RCN3: variants seen among roughly 807,000 people sequenced by gnomAD.
RCN3 encodes reticulocalbin 3.
In RCN3, 41 loss-of-function variants were observed where a neutral mutation model predicts 35.9. The ratio of observed to expected loss-of-function variants is 1.14; its 90% CI spans 0.89 to 1.48. The LOEUF (loss-of-function observed/expected upper bound fraction) is 1.48. Among genes scored for constraint, RCN3 ranks in the 40% most tolerant of loss-of-function variants. The probability of loss-of-function intolerance (pLI) is 0.00; values close to 1 mark genes in which losing one functional copy is unlikely to be tolerated. For synonymous variants in RCN3, 187 were observed against 193.4 expected, an observed-to-expected ratio of 0.97 and a Z score of 0.27; for missense variants, 451 against 471.3, an observed-to-expected ratio of 0.96 and a Z score of 0.40.
chr19:49,539,271 T>G lies in RCN3; in HGVS notation c.679+92T>G. On this transcript the variant is annotated intron_variant, in intron 5 of 6. Transcript: ENST00000270645. Reference sequence around the variant, plus strand: ...GTAGCCGGAGGTACATCACCCATCATCAGAGAACAGTGGCCCTCAGACATG... The same window carrying G: ...GTAGCCGGAGGTACATCACCCATCAGCAGAGAACAGTGGCCCTCAGACATG... 6 of 1,016,376 alleles carry G rather than the reference T, an allele frequency of 5.9e-6. No individual in the cohort carries two copies. The South Asian group carries it at 7.6e-5, about 13-fold the overall frequency. The allele number at this position is 1,016,376 out of a possible 1,614,324, so 63.0% of individuals were successfully genotyped here.
At chr19:49,539,208 TGCC>T in intron 5 of RCN3, 29 bp downstream of exon 5, 2 of 1,583,866 alleles carry the variant, frequency 1.3e-6, no homozygotes, top group Non-Finnish European at 1.7e-6. Context: ...CTTCTTGGGA[TGCC>T]TGTCCTCTCT....
At chr19:49,532,108 T>TC (rs1397011340) in intron 2 of RCN3, among the ~76,000 whole-genome samples, 1 of 134,996 alleles carries the variant, frequency 7.4e-6, no homozygotes, top group Admixed American at 7.3e-5. Flanking sequence ...GCCTTTTTTT[T>TC]TTTTTTTTTT....
chr19:49,536,468 T>C (rs1326479237), intron 3 of RCN3, among the ~76,000 whole-genome samples: 3 of 143,924 alleles, frequency 2.1e-5, no homozygotes. Flanking sequence ...GCCAGGCAAA[T>C]TTTTGTATTT....
Position 49,543,388 on chromosome 19 carries a change from C to T in RCN3, c.*175C>T. 1 of 620,620 alleles carries T rather than the reference C, an allele frequency of 1.6e-6. No homozygotes were observed. The highest frequency in any genetic ancestry group is 2.9e-6 in the Non-Finnish European group (1 of 345,254). 38.4% of individuals were successfully genotyped at this position (620,620 alleles called of 1,614,324 possible). A position where few individuals can be genotyped will look rare whatever the true frequency, so the allele number is the denominator to read the frequency against. ...TCGGCTTCTGTCCCTGTCACACCCC[C>T]AACCCCAGGGAGGGGCTGTCATAGT... On this transcript the variant is annotated 3_prime_UTR_variant, in exon 7 of 7. Coordinates refer to ENST00000270645, the MANE Select transcript of RCN3 (RefSeq NM_020650.3).
chr19:49,543,229 C>T lies in RCN3; in HGVS notation c.*16C>T. ...TGAGCTGTGAGCACCGCGCACCTGC[C>T]ACAGCCTCAGAGGCCCGCACAATGA... is the stretch of plus-strand genomic sequence containing the variant. On this transcript the variant is annotated 3_prime_UTR_variant, in exon 7 of 7. Coordinates refer to ENST00000270645, the MANE Select transcript of RCN3 (RefSeq NM_020650.3). 6.3e-7 allele frequency: 1 copy of T among 1,599,254 alleles called. No homozygotes were observed. Among genetic ancestry groups the T allele is most frequent in the Non-Finnish European group, 8.6e-7 (1 of 1,168,078 alleles).
Position 49,539,244 on chromosome 19 carries a change from GGGTAGCCGGA to G in RCN3, c.679+70_679+79del. 3 of 1,369,832 alleles carry G rather than the reference GGGTAGCCGGA, an allele frequency of 2.2e-6. No individual in the cohort carries two copies. The South Asian group carries it at 3.8e-5, about 17-fold the overall frequency. 84.9% of individuals were successfully genotyped at this position (1,369,832 alleles called of 1,614,324 possible). A position where few individuals can be genotyped will look rare whatever the true frequency, so the allele number is the denominator to read the frequency against. On this transcript the variant is annotated intron_variant, in intron 5 of 6. Transcript: ENST00000270645. ...TCTCAGGCATGGGCAGGGTTGGTGG[GGGTAGCCGGA>G]GGTACATCACCCATCATCAGAGAAC... is the stretch of plus-strand genomic sequence containing the variant.
At chr19:49,533,762 G>T (rs927418716) in intron 2 of RCN3, among the ~76,000 whole-genome samples, 1 of 152,122 alleles carries the variant, frequency 6.6e-6, no homozygotes, top group Non-Finnish European at 1.5e-5. Context: ...GGGTGTGGCC[G>T]TGGCTGTCTG....
chr19:49,541,514 C>G (rs1168205399), intron 5 of RCN3, among the ~76,000 whole-genome samples: 1 of 152,070 alleles, frequency 6.6e-6, no homozygotes, highest in Non-Finnish European at 1.5e-5. Context: ...TTTAGGAGGC[C>G]AAGGTGGGTG....
chr19:49,537,012 C>A (rs751190809), intron 3 of RCN3, 21 bp from the exon 4 acceptor site: 1 of 1,498,472 alleles, frequency 6.7e-7, no homozygotes, highest in Non-Finnish European at 8.9e-7. Flanking sequence ...GCTCATCTCA[C>A]TGAGACCTGT....
intron 3 of RCN3, among the ~76,000 whole-genome samples, chr19:49,535,980 A>G (rs940298266): frequency 1.3e-5 from 2 of 148,214 alleles, no homozygotes; most frequent in Admixed American, 6.8e-5. Context: ...TATATAAAGT[A>G]TCAATATATG....
chr19:49,529,728 G>GT (rs1011437808), intron 2 of RCN3, among the ~76,000 whole-genome samples: 2 of 151,544 alleles, frequency 1.3e-5, no homozygotes, highest in African/African-American at 4.9e-5. Context: ...GTTGGTGGGG[G>GT]GGAGTTGCAA....
chr19:49,539,184 G>A lies in RCN3; in HGVS notation c.679+5G>A. The A allele has an allele frequency of 6.2e-7, 1 of 1,608,922 alleles. No homozygotes were observed. The highest frequency in any genetic ancestry group is 8.5e-7 in the Non-Finnish European group (1 of 1,178,048). ...TCCAGGTGGAGGAGTACATCGGTGA[G>A]TGGGCCCCAATTTCTTCTTGGGATG... is the stretch of plus-strand genomic sequence containing the variant. On this transcript the variant is annotated splice_donor_5th_base_variant and intron_variant, in intron 5 of 6. Coordinates refer to ENST00000270645, the MANE Select transcript of RCN3 (RefSeq NM_020650.3).
At chr19:49,542,867 A>G in intron 6 of RCN3, 115 bp downstream of exon 6, 1 of 1,055,050 alleles carries the variant, frequency 9.5e-7, no homozygotes, top group South Asian at 1.6e-5. Flanking sequence ...TGGGATAAAA[A>G]AAGAGGGACA....
chr19:49,542,452 C>T, intron 5 of RCN3, 101 bp from the exon 6 acceptor site: 1 of 800,980 alleles, frequency 1.2e-6, no homozygotes, highest in Admixed American at 2.6e-5. Context: ...GTGAGTTGCT[C>T]AAGGGCCTGG....
In RCN3 at chr19:49,534,323, T is replaced by A. The variant is rs1355559691; in HGVS notation, c.373T>A (p.Tyr125Asn). 2.0e-6 allele frequency: 3 copies of A among 1,515,084 alleles called. No individual in the cohort carries two copies. The East Asian group carries it at 7.7e-5, about 39-fold the overall frequency. The allele number at this position is 1,515,084 out of a possible 1,614,324, so 93.9% of individuals were successfully genotyped here. The change falls in exon 3 of 7, where the codon TAC (tyrosine) becomes AAC (asparagine). Residue 125 changes from tyrosine to asparagine, a missense_variant. Physicochemically the swap from Tyr to Asn is moderately radical, Grantham distance 143. Coordinates refer to ENST00000270645, the MANE Select transcript of RCN3 (RefSeq NM_020650.3). ...RDSVSAAWDT[Y>N]DTDRDGRVGW... is the part of the protein sequence containing the mutation. The stretch of plus-strand genomic sequence containing the variant: ...CTCGGTGAGCGCGGCCTGGGACACG[T>A]ACGACACGGACCGCGACGGGCGTGT...
intron 2 of RCN3, among the ~76,000 whole-genome samples, chr19:49,531,588 C>T (rs1399012780): frequency 3.9e-5 from 6 of 152,096 alleles, no homozygotes; most frequent in African/African-American, 7.2e-5. Flanking sequence ...AGTGAGGAAG[C>T]GACTGCGATA....
rs539481971 is a variant in RCN3 at position 49,535,869 on chromosome 19, T to G, written c.446-1164T>G. 6.1e-3 allele frequency among the ~76,000 whole-genome samples: 892 copies of G among 145,050 alleles called. 10 individuals are homozygous for G. Among genetic ancestry groups the G allele is most frequent in the African/African-American group, 0.022 (840 of 38,706 alleles). On this transcript the variant is annotated intron_variant, in intron 3 of 6. Coordinates refer to ENST00000270645, the MANE Select transcript of RCN3 (RefSeq NM_020650.3). ...TGTCTCAAAAAAAAAAAAATATATA[T>G]ATATATAGATAGATAGATAGATAGA...
chr19:49,535,859 AAAATAT>A (rs1257710452), intron 3 of RCN3, among the ~76,000 whole-genome samples: 16 of 137,226 alleles, frequency 1.2e-4, no homozygotes, highest in African/African-American at 4.7e-4. Context: ...CAAAAAAAAA[AAAATAT>A]ATATATATAT....
Position 49,543,242 on chromosome 19 carries a change from G to GCC in RCN3, c.*31_*32dup, listed in dbSNP as rs772870656. 6.4e-7 allele frequency: 1 copy of GCC among 1,571,006 alleles called. No homozygotes were observed. Among genetic ancestry groups the GCC allele is most frequent in the South Asian group, 1.1e-5 (1 of 89,634 alleles). ...CCGCGCACCTGCCACAGCCTCAGAG[G>GCC]CCCGCACAATGACCGGAGGAGGGGC... On this transcript the variant is annotated 3_prime_UTR_variant, in exon 7 of 7. Transcript: ENST00000270645.
Sources: allele counts gnomAD v4.1 joint callset (sites outside exome capture counted in the v4.1 genomes callset), GRCh38; gene constraint gnomAD v4.1.1; transcripts MANE v1.5; gene names NCBI Gene and HGNC (gene_info 2026-07-23, HGNC 2026-07-21).